The following MMP16 variants were observed in gnomAD, a reference collection of about 807,000 sequenced individuals.
MMP16 encodes the protein matrix metalloproteinase-16.
A neutral mutation model predicts 67.8 loss-of-function variants in MMP16; 12 were observed. That is an observed-to-expected ratio of 0.18 (90% CI 0.11 to 0.29). The LOEUF (loss-of-function observed/expected upper bound fraction) is 0.29, where lower values mean the gene tolerates loss of function less well. MMP16 is among the 10% of genes least tolerant of loss of function. The probability of loss-of-function intolerance (pLI) is 1.00; values close to 1 mark genes in which losing one functional copy is unlikely to be tolerated. For synonymous variants in MMP16, 249 were observed against 255.9 expected (o/e 0.97, Z 0.26); for missense variants, 475 against 765.7 (o/e 0.62, Z 4.48).
chr8:88,136,214 G>A (rs1159788218), intron 4 of MMP16, among the ~76,000 whole-genome samples: 1 of 151,828 alleles, frequency 6.6e-6, no homozygotes, highest in Non-Finnish European at 1.5e-5. Flanking sequence ...TGACAACTAA[G>A]ATACAAGGAT....
At chr8:88,249,931 A>C (rs1178551339) in intron 1 of MMP16, among the ~76,000 whole-genome samples, 2 of 152,146 alleles carry the variant, frequency 1.3e-5, no homozygotes, top group African/African-American at 4.8e-5. Context: ...ATTTTCAACA[A>C]GAATTTTATG....
chr8:88,270,428 A>T (rs1810546857), intron 1 of MMP16, among the ~76,000 whole-genome samples: 1 of 152,230 alleles, frequency 6.6e-6, no homozygotes, highest in African/African-American at 2.4e-5. Flanking sequence ...ACTGCAACTC[A>T]TATAGTATCT....
At chr8:88,228,848 T>C (rs940571183) in intron 1 of MMP16, among the ~76,000 whole-genome samples, 1 of 151,988 alleles carries the variant, frequency 6.6e-6, no homozygotes, top group Non-Finnish European at 1.5e-5. Flanking sequence ...AACACTTTAA[T>C]AGTACAAAAA....
At chr8:88,086,637 A>G (rs1214090696) in intron 6 of MMP16, among the ~76,000 whole-genome samples, 2 of 151,790 alleles carry the variant, frequency 1.3e-5, no homozygotes, top group Non-Finnish European at 2.9e-5. Flanking sequence ...CCATCCTTTT[A>G]TTTTCAAACT....
chr8:88,107,998 G>GT (rs1412809564), intron 6 of MMP16, among the ~76,000 whole-genome samples: 1 of 150,984 alleles, frequency 6.6e-6, no homozygotes, highest in African/African-American at 2.4e-5. Context: ...CTTAATAGGT[G>GT]TTATCTATAT....
rs1260559165 is a variant in MMP16, at chr8:88,032,812, GTTAT to G, written c.*8645_*8648del. On this transcript the variant is annotated 3_prime_UTR_variant, in exon 10 of 10. Coordinates refer to ENST00000286614, the MANE Select transcript of MMP16 (RefSeq NM_005941.5). ...TAAAACTCATTCAGCAAATAAATGT[GTTAT>G]TTATTTCTTTCCTTGCACACAGAAG... is the stretch of plus-strand genomic sequence containing the variant. The G allele has an allele frequency of 6.6e-6, 1 of 152,004 alleles. No homozygotes were observed. Among genetic ancestry groups the G allele is most frequent in the African/African-American group, 2.4e-5 (1 of 41,416 alleles). The allele number at this position is 152,004 out of a possible 1,614,324, so 9.4% of individuals were successfully genotyped here.
rs199761222 is a variant in MMP16 at position 88,327,184 on chromosome 8, G to A, written c.23C>T (p.Thr8Ile). The change falls in exon 1 of 10, where the codon ACT (threonine) becomes ATT (isoleucine). Residue 8 changes from threonine (T) to isoleucine (I), a missense_variant. Around this residue, in one of 5 missense-constraint regions of MMP16, gnomAD observed 170 missense variants for 239.6 expected, o/e 0.71. Transcript: ENST00000286614. ...ATGCACGAAATCCAACCGTCTTCCAGTGCTGAATGTGAGTAAGATCATAGT... is the reference window on the plus strand; with the variant it reads ...ATGCACGAAATCCAACCGTCTTCCAATGCTGAATGTGAGTAAGATCATAGT... MILLTFS[T>I]GRRLDFVHHS... The A allele has an allele frequency of 1.2e-6, 2 of 1,614,082 alleles. No individual in the cohort carries two copies. Among genetic ancestry groups the A allele is most frequent in the African/African-American group, 1.3e-5 (1 of 75,016 alleles).
At chr8:88,101,546 T>A (rs1470004593) in intron 6 of MMP16, among the ~76,000 whole-genome samples, 1 of 151,888 alleles carries the variant, frequency 6.6e-6, no homozygotes, top group Non-Finnish European at 1.5e-5. Flanking sequence ...GGATATCAAG[T>A]CTTTGCCTAA....
chr8:88,186,392 C>A lies in MMP16; in HGVS notation c.404+84G>T, dbSNP rs1023813189. 2.6e-6 allele frequency: 4 copies of A among 1,523,920 alleles called. No homozygotes were observed. In the Admixed American group the frequency reaches 7.0e-5, roughly 26 times the overall value. The allele number at this position is 1,523,920 out of a possible 1,614,324, so 94.4% of individuals were successfully genotyped here. On this transcript the variant is annotated intron_variant, in intron 3 of 9. Transcript: ENST00000286614. Reference sequence around the variant, plus strand: ...TCCCTATATATTAACATGTAGTCAACGTGCAGAAGATACTAAACTATGTGT... The same window carrying A: ...TCCCTATATATTAACATGTAGTCAAAGTGCAGAAGATACTAAACTATGTGT...
chr8:88,156,387 A>G (rs779520789), intron 4 of MMP16, among the ~76,000 whole-genome samples: 99 of 152,178 alleles, frequency 6.5e-4, no homozygotes, highest in Middle Eastern at 3.4e-3. Flanking sequence ...CAAAGCTACA[A>G]TCTCCACTGT....
chr8:88,143,754 A>T (rs928996799), intron 4 of MMP16, among the ~76,000 whole-genome samples: 1 of 152,026 alleles, frequency 6.6e-6, no homozygotes, highest in Non-Finnish European at 1.5e-5. Context: ...GCAGAAATTC[A>T]TACAGAAACA....
rs1202274748 is a variant in MMP16, at chr8:88,038,008, C to T, written c.*3453G>A. On this transcript the variant is annotated 3_prime_UTR_variant, in exon 10 of 10. Transcript: ENST00000286614. The surrounding 1 kb of genome is among the most constrained non-coding windows in gnomAD (Gnocchi z 4.1). ...TATCTCTAGTAACACTGAACTGACA[C>T]CTTATGTTATTGACCCATGGAAATT... 2 of 151,866 alleles carry T rather than the reference C, an allele frequency of 1.3e-5. No individual in the cohort carries two copies. Among genetic ancestry groups the T allele is most frequent in the South Asian group, 2.1e-4 (1 of 4,828 alleles). The allele number at this position is 151,866 out of a possible 1,614,324, so 9.4% of individuals were successfully genotyped here.
At position 88,090,621 on chromosome 8, in the gene MMP16, C is replaced by G. The variant is rs143763016; in HGVS notation, c.1084-15878G>C. Among the ~76,000 whole-genome samples, 1,429 of 151,296 alleles carry G rather than the reference C, an allele frequency of 9.4e-3. 12 individuals carry two copies. Among genetic ancestry groups the G allele is most frequent in the Non-Finnish European group, 0.012 (823 of 67,768 alleles). ...GCTCAAATGCATGACTAAAAATTGTCAATTCTTTGACAATTTTTAAAATTT... is the reference window on the plus strand; with the variant it reads ...GCTCAAATGCATGACTAAAAATTGTGAATTCTTTGACAATTTTTAAAATTT... On this transcript the variant is annotated intron_variant, in intron 6 of 9. Coordinates refer to ENST00000286614, the MANE Select transcript of MMP16 (RefSeq NM_005941.5).
intron 3 of MMP16, among the ~76,000 whole-genome samples, chr8:88,183,705 T>C (rs928493451): frequency 7.7e-6 from 1 of 129,656 alleles, no homozygotes; most frequent in African/African-American, 2.6e-5. Context: ...TTTAACAAAA[T>C]GTCCTTCTTT....
intron 1 of MMP16, among the ~76,000 whole-genome samples, chr8:88,238,582 C>T (rs1483392050): frequency 6.8e-6 from 1 of 148,148 alleles, no homozygotes; most frequent in Non-Finnish European, 1.5e-5. Context: ...AGGAGAATCG[C>T]TTGAACACAG....
At chr8:88,201,399 G>T (rs1169881591) in intron 1 of MMP16, among the ~76,000 whole-genome samples, 1 of 152,040 alleles carries the variant, frequency 6.6e-6, no homozygotes, top group East Asian at 1.9e-4. Context: ...GCAAATGCAA[G>T]TTCCTTGTAC....
chr8:88,233,549 G>A (rs1243358393), intron 1 of MMP16, among the ~76,000 whole-genome samples: 12 of 152,182 alleles, frequency 7.9e-5, no homozygotes, highest in Admixed American at 7.2e-4. Context: ...CATGATGCAA[G>A]TCTGATTCCA....
At chr8:88,170,865 A>C (rs1253266478) in intron 3 of MMP16, among the ~76,000 whole-genome samples, 1 of 152,180 alleles carries the variant, frequency 6.6e-6, no homozygotes, top group African/African-American at 2.4e-5. Context: ...GATGGGACAA[A>C]AATGGGAGTA....
chr8:88,291,225 G>T (rs899896975), intron 1 of MMP16, among the ~76,000 whole-genome samples: 3 of 152,090 alleles, frequency 2.0e-5, no homozygotes, highest in African/African-American at 7.2e-5. Flanking sequence ...AGGTTGCAGT[G>T]AGCCATGATT....
Sources: gnomAD v4.1 joint callset for allele counts (sites outside exome capture counted in the v4.1 genomes callset) on GRCh38, gnomAD v4.1.1 for gene constraint, gnomAD v4.1.1 regional missense constraint, Gnocchi (gnomAD v3.1) non-coding constraint, MANE v1.5 for transcripts, NCBI Gene and HGNC (gene_info 2026-07-23, HGNC 2026-07-21) for gene names.